Variants in KLHL29 observed in about 807,000 individuals in gnomAD.
KLHL29 encodes the protein kelch like family member 29.
Under a neutral mutation model 80.4 loss-of-function variants are expected in KLHL29, and 21 were observed. The ratio of observed to expected loss-of-function variants is 0.26; its 90% confidence interval spans 0.19 to 0.38. KLHL29 has a LOEUF of 0.38. KLHL29 is among the 10% of genes least tolerant of loss of function. KLHL29 has a pLI of 1.00. For synonymous variants in KLHL29, 511 were observed against 526.8 expected (o/e 0.97, Z 0.41); for missense variants, 867 against 1,223.9 (o/e 0.71, Z 4.35).
intron 1 of KLHL29, among the ~76,000 whole-genome samples, chr2:23,400,143 T>C (rs1354423840): frequency 6.6e-6 from 1 of 152,142 alleles, no homozygotes; most frequent in African/African-American, 2.4e-5. Context: ...CCTTAACAGG[T>C]TGACGTCCCT....
intron 1 of KLHL29, among the ~76,000 whole-genome samples, chr2:23,433,936 A>G (rs1253459634): frequency 6.6e-6 from 1 of 151,850 alleles, no homozygotes; most frequent in South Asian, 2.1e-4. Flanking sequence ...AAAAATGAAC[A>G]GTTAACTGTT....
intron 3 of KLHL29, among the ~76,000 whole-genome samples, chr2:23,574,261 C>T (rs990720938): frequency 1.5e-4 from 23 of 152,018 alleles, no homozygotes; most frequent in African/African-American, 5.3e-4. Context: ...AAGGAGAGAC[C>T]CTATTTGAGG....
At chr2:23,399,612 T>C (rs1434956706) in intron 1 of KLHL29, among the ~76,000 whole-genome samples, 2 of 152,238 alleles carry the variant, frequency 1.3e-5, no homozygotes, top group East Asian at 1.9e-4. Flanking sequence ...AGCAATACAA[T>C]GAAATCTACA....
rs199848877 is a variant in KLHL29 at position 23,676,191 on chromosome 2, T to TG, written c.941-8208_941-8207insG. Among the ~76,000 whole-genome samples, 446 of 151,254 alleles carry TG rather than the reference T, an allele frequency of 2.9e-3. 1 individual carries two copies. Among genetic ancestry groups the TG allele is most frequent in the African/African-American group, 8.5e-3 (350 of 41,272 alleles). On this transcript the variant is annotated intron_variant, in intron 5 of 13. Coordinates refer to ENST00000486442, the MANE Select transcript of KLHL29 (RefSeq NM_052920.2). ...TTTTTGGAGGATGGGTTTTTTGTTTTTTTTTTTTTTGAGACAGAGTCTGCT... is the reference window on the plus strand; with the variant it reads ...TTTTTGGAGGATGGGTTTTTTGTTTTGTTTTTTTTTTGAGACAGAGTCTGCT...
intron 2 of KLHL29, among the ~76,000 whole-genome samples, chr2:23,487,253 G>A (rs1664958547): frequency 6.6e-6 from 1 of 152,190 alleles, no homozygotes; most frequent in African/African-American, 2.4e-5. Flanking sequence ...CCATAGAGCA[G>A]AGCGTCTCCT....
At position 23,669,916 on chromosome 2, in the gene KLHL29, G is replaced by A. The variant is rs770825007; in HGVS notation, c.941-14483G>A. The stretch of plus-strand genomic sequence containing the variant: ...GCTTCCAAGAAAAACAGACTGTCAA[G>A]TTAAATACATGTGGGTAGGGACCCA... On this transcript the variant is annotated intron_variant, in intron 5 of 13. Coordinates refer to ENST00000486442, the MANE Select transcript of KLHL29 (RefSeq NM_052920.2). This position sits in a 1 kb window ranked among gnomAD's most constrained non-coding sequence, Gnocchi z 4.3. Among the ~76,000 whole-genome samples, 2 of 152,128 alleles carry A rather than the reference G, an allele frequency of 1.3e-5. No homozygotes were observed. Among genetic ancestry groups the A allele is most frequent in the Admixed American group, 6.5e-5 (1 of 15,272 alleles).
chr2:23,647,367 C>G lies in KLHL29; in HGVS notation c.940+4517C>G, dbSNP rs2149161727. ...GCACAGAATTTTATCCAGACTGAAA[C>G]TGTCTTCCCACAGACCTATTCTTCC... is the stretch of plus-strand genomic sequence containing the variant. On this transcript the variant is annotated intron_variant, in intron 5 of 13. Coordinates refer to ENST00000486442, the MANE Select transcript of KLHL29 (RefSeq NM_052920.2). The surrounding 1 kb of genome is among the most constrained non-coding windows in gnomAD (Gnocchi z 4.9). 6.6e-6 allele frequency among the ~76,000 whole-genome samples: 1 copy of G among 152,352 alleles called. No homozygotes were observed. The highest frequency in any genetic ancestry group is 1.9e-4 in the East Asian group (1 of 5,184).
At chr2:23,475,039 C>T (rs1318199077) in intron 1 of KLHL29, among the ~76,000 whole-genome samples, 1 of 151,900 alleles carries the variant, frequency 6.6e-6, no homozygotes, top group East Asian at 1.9e-4. Context: ...CCCCAGGGAA[C>T]CTATTCTTTG....
Position 23,526,799 on chromosome 2 carries a change from C to T in KLHL29, c.-45-35353C>T, listed in dbSNP as rs138158784. On this transcript the variant is annotated intron_variant, in intron 2 of 13. Transcript: ENST00000486442. ...ATTAGGAGACAGCACCTTGGTAGCT[C>T]GAAACGGCCACAGTGGGAATATTTA... Among the ~76,000 whole-genome samples the T allele has an allele frequency of 4.3e-4, 66 of 152,260 alleles. No individual in the cohort carries two copies. In the East Asian group the frequency reaches 0.013, roughly 29 times the overall value.
At chr2:23,490,547 C>T (rs539981682) in intron 2 of KLHL29, among the ~76,000 whole-genome samples, 2 of 152,090 alleles carry the variant, frequency 1.3e-5, no homozygotes, top group East Asian at 1.9e-4. Flanking sequence ...TGTTTTTTTC[C>T]GCTGCTTGGT....
intron 1 of KLHL29, among the ~76,000 whole-genome samples, chr2:23,428,092 C>T (rs901173597): frequency 6.6e-6 from 1 of 152,240 alleles, no homozygotes; most frequent in Non-Finnish European, 1.5e-5. Flanking sequence ...GCATTGCAGG[C>T]TATCACTGCT....
chr2:23,485,081 A>G (rs1433861078), intron 2 of KLHL29, among the ~76,000 whole-genome samples: 2 of 152,154 alleles, frequency 1.3e-5, no homozygotes, highest in Admixed American at 6.5e-5. Flanking sequence ...AGTATGCCCA[A>G]GGCTCATTCC....
chr2:23,447,392 G>C (rs1413503909), intron 1 of KLHL29, among the ~76,000 whole-genome samples: 3 of 152,184 alleles, frequency 2.0e-5, no homozygotes, highest in Non-Finnish European at 4.4e-5. Flanking sequence ...ATTTGCTTCA[G>C]TACCTAGCCC....
At chr2:23,599,052 A>AT (rs926114563) in intron 3 of KLHL29, among the ~76,000 whole-genome samples, 21 of 152,232 alleles carry the variant, frequency 1.4e-4, no homozygotes, top group African/African-American at 4.8e-4. Flanking sequence ...TTTAAGGAGT[A>AT]TTTTTTACTT....
Position 23,669,460 on chromosome 2 carries a change from C to G in KLHL29, c.941-14939C>G, listed in dbSNP as rs1332242833. 6.6e-6 allele frequency: 1 copy of G among 152,436 alleles called. No individual in the cohort carries two copies. The highest frequency in any genetic ancestry group is 1.5e-5 in the Non-Finnish European group (1 of 68,126). 9.4% of individuals were successfully genotyped at this position (152,436 alleles called of 1,614,324 possible). A position where few individuals can be genotyped will look rare whatever the true frequency, so the allele number is the denominator to read the frequency against. On this transcript the variant is annotated intron_variant, in intron 5 of 13. Transcript: ENST00000486442. This position sits in a 1 kb window ranked among gnomAD's most constrained non-coding sequence, Gnocchi z 4.3. ...GCCTCCGTTTCCCTTCCACACAGTC[C>G]TGCCCCACAGAGTAGATAACTGTAC...
intron 1 of KLHL29, among the ~76,000 whole-genome samples, chr2:23,395,788 C>G (rs1377587751): frequency 6.6e-6 from 1 of 151,776 alleles, no homozygotes; most frequent in African/African-American, 2.4e-5. Flanking sequence ...CGATTGCATT[C>G]AACACTGCCT....
In KLHL29 at chr2:23,647,176, A is replaced by G. The variant is rs1669961378; in HGVS notation, c.940+4326A>G. Among the ~76,000 whole-genome samples, 1 of 151,992 alleles carries G rather than the reference A, an allele frequency of 6.6e-6. No homozygotes were observed. Among genetic ancestry groups the G allele is most frequent in the Non-Finnish European group, 1.5e-5 (1 of 67,980 alleles). On this transcript the variant is annotated intron_variant, in intron 5 of 13. Transcript: ENST00000486442. The surrounding 1 kb of genome is among the most constrained non-coding windows in gnomAD (Gnocchi z 4.9). The stretch of plus-strand genomic sequence containing the variant: ...GATGCATCCCTTTTCTGTCAGGAGG[A>G]CTCAGGATGGCTCTCCCCAGGTGTG...
chr2:23,387,996 T>C (rs1004531339), intron 1 of KLHL29, among the ~76,000 whole-genome samples: 5 of 152,220 alleles, frequency 3.3e-5, no homozygotes, highest in Non-Finnish European at 7.3e-5. Flanking sequence ...TTTATAGGTC[T>C]CCAACTTTCA....
intron 5 of KLHL29, among the ~76,000 whole-genome samples, chr2:23,649,167 C>T (rs1670020100): frequency 6.6e-6 from 1 of 152,224 alleles, no homozygotes; most frequent in Admixed American, 6.5e-5. Context: ...CCAAGTCTGA[C>T]TGAATGGCTC....
Sources: gnomAD v4.1 joint callset for allele counts (sites outside exome capture counted in the v4.1 genomes callset) on GRCh38, gnomAD v4.1.1 for gene constraint, Gnocchi (gnomAD v3.1) non-coding constraint, MANE v1.5 for transcripts, NCBI Gene and HGNC (gene_info 2026-07-23, HGNC 2026-07-21) for gene names.